Variants in MICAL2 observed in about 807,000 individuals in gnomAD.
MICAL2 encodes [F-actin]-monooxygenase MICAL2.
MICAL2 carries 77 observed loss-of-function variants against 127.3 expected under a neutral mutation model. The ratio of observed to expected loss-of-function variants is 0.60; its 90% confidence interval spans 0.50 to 0.73. MICAL2 has a LOEUF of 0.73. MICAL2 is among the 30% of genes least tolerant of loss of function. MICAL2 has a pLI of 0.00. For synonymous variants in MICAL2, 570 were observed against 551.1 expected, an observed-to-expected ratio of 1.03 and a Z score of -0.48; for missense variants, 1,351 against 1,434.4, an observed-to-expected ratio of 0.94 and a Z score of 0.94.
rs1313474324 is a variant in MICAL2, at chr11:12,242,750, T to A, written c.2636T>A (p.Phe879Tyr). 2 of 1,610,216 alleles carry A rather than the reference T, an allele frequency of 1.2e-6. No homozygotes were observed. The highest frequency in any genetic ancestry group is 4.5e-5 in the East Asian group (2 of 44,494). ...KEKAAHLASM[F>Y]GHGDFPQNKL... ...AAGGCGGCTCACCTTGCCTCCATGT[T>A]TGGACACGGGGATTTCCCGCAGGTA... Residue 879 changes from phenylalanine to tyrosine, a missense_variant, in exon 20 of 28, where the codon TTT becomes TAT. This residue lies in a region of MICAL2 where 752 missense variants were observed against 719.4 expected (regional missense o/e 1.05). Transcript: ENST00000683283.
intron 29 of MICAL2, among the ~76,000 whole-genome samples, chr11:12,301,585 A>G (rs1565299136): frequency 6.6e-6 from 1 of 152,226 alleles, no homozygotes; most frequent in Non-Finnish European, 1.5e-5. Context: ...TGCTATTGCA[A>G]TAAGATAGAG....
chr11:12,328,312 A>C (rs867437010), intron 32 of MICAL2, among the ~76,000 whole-genome samples: 11 of 152,326 alleles, frequency 7.2e-5, no homozygotes, highest in African/African-American at 2.6e-4. Flanking sequence ...TCATAGGAAC[A>C]AGCATTAGGG....
chr11:12,293,008 T>C (rs1337253510), downstream of MICAL2, among the ~76,000 whole-genome samples: 3 of 152,184 alleles, frequency 2.0e-5, no homozygotes, highest in Non-Finnish European at 4.4e-5. Flanking sequence ...AAAAGGGTCA[T>C]TGAAAGGTCT....
chr11:12,245,192 G>C (rs970211680), intron 21 of MICAL2, among the ~76,000 whole-genome samples: 20 of 152,140 alleles, frequency 1.3e-4, no homozygotes, highest in African/African-American at 4.6e-4. Context: ...ATGAGCTGTT[G>C]CTCATGGAGT....
chr11:12,135,092 T>C (rs1851734187), intron 1 of MICAL2, among the ~76,000 whole-genome samples: 1 of 152,172 alleles, frequency 6.6e-6, no homozygotes, highest in Non-Finnish European at 1.5e-5. Context: ...GCACACCCCA[T>C]GTACCACTGC....
At chr11:12,174,857 A>G (rs1856663664) in intron 3 of MICAL2, among the ~76,000 whole-genome samples, 1 of 152,084 alleles carries the variant, frequency 6.6e-6, no homozygotes, top group South Asian at 2.1e-4. Context: ...ATGGTGGCTC[A>G]CTCCTGTACT....
chr11:12,185,197 G>C (rs1186436309), intron 3 of MICAL2, among the ~76,000 whole-genome samples: 9 of 133,616 alleles, frequency 6.7e-5, no homozygotes, highest in Admixed American at 3.0e-4. Context: ...GGATGGGTGG[G>C]GGGATGGGTG....
intron 2 of MICAL2, among the ~76,000 whole-genome samples, chr11:12,282,473 G>GA (rs1863783214): frequency 6.6e-6 from 1 of 151,986 alleles, no homozygotes; most frequent in African/African-American, 2.4e-5. Flanking sequence ...CAACTTACAA[G>GA]AAAAACATAA....
intron 21 of MICAL2, among the ~76,000 whole-genome samples, chr11:12,245,614 T>C (rs1186502918): frequency 6.6e-6 from 1 of 152,184 alleles, no homozygotes; most frequent in Non-Finnish European, 1.5e-5. Context: ...ATAGCCATGG[T>C]CAGCATATCA....
chr11:12,162,930 G>T (rs1290434353), intron 3 of MICAL2, among the ~76,000 whole-genome samples: 1 of 152,196 alleles, frequency 6.6e-6, no homozygotes, highest in Non-Finnish European at 1.5e-5. Flanking sequence ...TTACAGAGTT[G>T]TGTTCGCCTG....
Position 12,262,497 on chromosome 11 carries a change from G to T in MICAL2, c.3352G>T (p.Val1118Leu), listed in dbSNP as rs761841500. 1 of 1,613,748 alleles carries T rather than the reference G, an allele frequency of 6.2e-7. No homozygotes were observed. Among genetic ancestry groups the T allele is most frequent in the Non-Finnish European group, 8.5e-7 (1 of 1,179,950 alleles). The change falls in exon 27 of 28, where the codon GTG (valine) becomes TTG (leucine). Residue 1118 changes from valine to leucine, a missense_variant. By Grantham distance (32) the Val-to-Leu change is conservative. Coordinates refer to ENST00000683283, the MANE Select transcript of MICAL2 (RefSeq NM_001282663.2). ...GCCATCAGTTCATTTCAGCCTTCCAGTGCTACACCCACTTCTTGGCTGACA... is the reference window on the plus strand; with the variant it reads ...GCCATCAGTTCATTTCAGCCTTCCATTGCTACACCCACTTCTTGGCTGACA... Reference protein sequence around the residue: ...GSPPVHFSLPVLHPLLG With the variant: ...GSPPVHFSLPLLHPLLG
intron 3 of MICAL2, among the ~76,000 whole-genome samples, chr11:12,188,746 C>T (rs1038386309): frequency 5.3e-5 from 8 of 152,182 alleles, no homozygotes; most frequent in African/African-American, 1.9e-4. Flanking sequence ...AGAGCCTCCA[C>T]TTCCTCATCT....
chr11:12,323,844 A>C (rs2134847005), intron 30 of MICAL2: 1 of 997,714 alleles, frequency 1.0e-6, no homozygotes, highest in East Asian at 2.8e-5. Flanking sequence ...GAGTTCTACC[A>C]GATGTCGTTA....
At chr11:12,290,314 C>T (rs1225206686), downstream of MICAL2, among the ~76,000 whole-genome samples, 1 of 152,152 alleles carries the variant, frequency 6.6e-6, no homozygotes, top group African/African-American at 2.4e-5. Flanking sequence ...GCTTCTGGGT[C>T]ATGACCTCGT....
At chr11:12,178,658 C>T (rs1857101420) in intron 3 of MICAL2, among the ~76,000 whole-genome samples, 1 of 151,968 alleles carries the variant, frequency 6.6e-6, no homozygotes, top group Admixed American at 6.5e-5. Flanking sequence ...TAACAGGAGA[C>T]TAGATGGTCT....
intron 32 of MICAL2, among the ~76,000 whole-genome samples, chr11:12,330,835 G>GAC (rs1864411814): frequency 6.6e-6 from 1 of 150,976 alleles, no homozygotes; most frequent in Non-Finnish European, 1.5e-5. Flanking sequence ...GAGACAGACA[G>GAC]AGAGAGAGAG....
At chr11:12,246,708 C>T (rs972598881) in intron 21 of MICAL2, among the ~76,000 whole-genome samples, 7 of 152,164 alleles carry the variant, frequency 4.6e-5, no homozygotes, top group Non-Finnish European at 8.8e-5. Flanking sequence ...TCGAGTGATC[C>T]TCCTGCCTCA....
intron 2 of MICAL2, among the ~76,000 whole-genome samples, chr11:12,148,435 G>A (rs1256793150): frequency 6.6e-6 from 1 of 152,154 alleles, no homozygotes; most frequent in African/African-American, 2.4e-5. Context: ...GGGCTGTAGG[G>A]AGCCCTGAGA....
intron 15 of MICAL2, 49 bp downstream of exon 15, chr11:12,227,180 G>C (rs1457287763): frequency 2.3e-6 from 3 of 1,314,746 alleles, no homozygotes; most frequent in Non-Finnish European, 3.3e-6. Context: ...ACATGGACGG[G>C]GTATGAGGAA....
Sources: gnomAD v4.1 joint callset for allele counts (sites outside exome capture counted in the v4.1 genomes callset) on GRCh38, gnomAD v4.1.1 for gene constraint, gnomAD v4.1.1 regional missense constraint, MANE v1.5 for transcripts, NCBI Gene and HGNC (gene_info 2026-07-23, HGNC 2026-07-21) for gene names.